Variants in HNRNPK observed in about 807,000 individuals in gnomAD.
HNRNPK encodes the protein dC-stretch binding protein.
HNRNPK carries 7 observed loss-of-function variants against 67.0 expected under a neutral mutation model. That is an observed-to-expected ratio of 0.10 (90% CI 0.06 to 0.20). HNRNPK has a LOEUF of 0.20. Among genes scored for constraint, HNRNPK ranks in the 10% least tolerant of loss-of-function variants. The pLI is 1.00. For synonymous variants in HNRNPK, 213 were observed against 193.7 expected, an observed-to-expected ratio of 1.10 and a Z score of -0.83; for missense variants, 264 against 606.5, an observed-to-expected ratio of 0.44 and a Z score of 5.93.
At chr9:83,971,198 T>TA (rs1220203708) in intron 13 of HNRNPK, 75 bp downstream of exon 13, 8 of 1,043,440 alleles carry the variant, frequency 7.7e-6, no homozygotes, top group South Asian at 2.5e-5. Context: ...CTCAGGGGAA[T>TA]AAAAAACTTA....
rs1415690992 is a variant in HNRNPK, at chr9:83,968,909, T to G, written c.*498A>C. ...TTAAAAAAAAAATGACCACCAAAAA[T>G]AGGTTCACTAAATTTATTTTAAAAA... On this transcript the variant is annotated 3_prime_UTR_variant, in exon 17 of 17. Coordinates refer to ENST00000376263, the MANE Select transcript of HNRNPK (RefSeq NM_031263.4). 6.4e-6 allele frequency: 1 copy of G among 155,112 alleles called. No individual in the cohort carries two copies. The highest frequency in any genetic ancestry group is 2.4e-5 in the African/African-American group (1 of 41,482). 9.6% of individuals were successfully genotyped at this position (155,112 alleles called of 1,614,324 possible). A position where few individuals can be genotyped will look rare whatever the true frequency, so the allele number is the denominator to read the frequency against.
chr9:83,972,282 G>A lies in HNRNPK; in HGVS notation c.646-93C>T, dbSNP rs577163115. 277 of 941,916 alleles carry A rather than the reference G, an allele frequency of 2.9e-4. 1 individual carries two copies. The Middle Eastern group carries it at 6.5e-3, about 22-fold the overall frequency. 58.3% of individuals were successfully genotyped at this position (941,916 alleles called of 1,614,324 possible). A position where few individuals can be genotyped will look rare whatever the true frequency, so the allele number is the denominator to read the frequency against. ...AACATCATCATCAAACAAAATGTAA[G>A]TCATTCCCCCATCAGGAGGTACTAG... On this transcript the variant is annotated intron_variant, in intron 10 of 16. Coordinates refer to ENST00000376263, the MANE Select transcript of HNRNPK (RefSeq NM_031263.4).
intron 12 of HNRNPK, 129 bp from the exon 13 acceptor site, chr9:83,971,485 G>C (rs937115547): frequency 3.7e-6 from 3 of 804,992 alleles, no homozygotes; most frequent in Non-Finnish European, 2.1e-6. Context: ...TTTTGTAATC[G>C]AGGGGAACAA....
At chr9:83,974,085 T>C in intron 7 of HNRNPK, 112 bp from the exon 8 acceptor site, 1 of 640,448 alleles carries the variant, frequency 1.6e-6, no homozygotes, top group Non-Finnish European at 2.7e-6. Context: ...TATTAAATAA[T>C]GAGAAACTGC....
At chr9:83,969,692 A>G (rs776078318) in intron 16 of HNRNPK, 1 of 610,572 alleles carries the variant, frequency 1.6e-6, no homozygotes, top group African/African-American at 1.8e-5. Flanking sequence ...GGTAGAAAAG[A>G]CAAAGAATGC....
In HNRNPK at chr9:83,978,236, G is replaced by C; in HGVS notation, c.17C>G (p.Pro6Arg). The C allele has an allele frequency of 1.2e-6, 2 of 1,612,116 alleles. No individual in the cohort carries two copies. Among genetic ancestry groups the C allele is most frequent in the Non-Finnish European group, 8.5e-7 (1 of 1,178,970 alleles). Residue 6 changes from proline to arginine, a missense_variant, in exon 3 of 17, where the codon CCA becomes CGA. Coordinates refer to ENST00000376263, the MANE Select transcript of HNRNPK (RefSeq NM_031263.4). ...TTCAGTGTTAGGGAAGGTTTCTTCT[G>C]GCTGTTCAGTTTCCATATTCTTTTA... METEQ[P>R]EETFPNTETN...
Position 83,970,150 on chromosome 9 carries a change from A to G in HNRNPK, c.1361+12T>C, listed in dbSNP as rs1197179920. On this transcript the variant is annotated intron_variant, in intron 16 of 16. Transcript: ENST00000376263. ...TATGTATAAGCTAACACAAAGCTAAACTTAAACTGACCTGTTCTGCAGCAA... is the reference window on the plus strand; with the variant it reads ...TATGTATAAGCTAACACAAAGCTAAGCTTAAACTGACCTGTTCTGCAGCAA... The G allele has an allele frequency of 6.2e-7, 1 of 1,603,024 alleles. No individual in the cohort carries two copies. The highest frequency in any genetic ancestry group is 8.5e-7 in the Non-Finnish European group (1 of 1,174,076).
chr9:83,970,704 TA>T (rs1956791311), intron 15 of HNRNPK, 32 bp downstream of exon 15: 1 of 1,247,476 alleles, frequency 8.0e-7, no homozygotes. Context: ...ATAAAAGTGA[TA>T]AAATGTTCCT....
At position 83,968,839 on chromosome 9, in the gene HNRNPK, T is replaced by TG. The variant is rs1465566286; in HGVS notation, c.*567dup. ...TGAAAATTAAACTTAGTGTTTAGTT[T>TG]GGGGGTGGGTTGGGAAATTCAGCCA... is the stretch of plus-strand genomic sequence containing the variant. On this transcript the variant is annotated 3_prime_UTR_variant, in exon 17 of 17. Coordinates refer to ENST00000376263, the MANE Select transcript of HNRNPK (RefSeq NM_031263.4). The TG allele has an allele frequency of 3.3e-5, 5 of 153,228 alleles. No homozygotes were observed. Among genetic ancestry groups the TG allele is most frequent in the Admixed American group, 3.3e-4 (5 of 15,336 alleles). 9.5% of individuals were successfully genotyped at this position (153,228 alleles called of 1,614,324 possible).
chr9:83,970,844 T>C, intron 14 of HNRNPK, 25 bp from the exon 15 acceptor site: 1 of 1,604,554 alleles, frequency 6.2e-7, no homozygotes, highest in Non-Finnish European at 8.5e-7. Flanking sequence ...GAGCAGTAAG[T>C]TCATTTAAAA....
At position 83,980,204 on chromosome 9, in the gene HNRNPK, T is replaced by A. The variant is rs1957326497; in HGVS notation, c.-159A>T. ...CCGCGCCGCCTCAGCCGGTCGGAGC[T>A]AGACAGAAAACGAGCGCAGGCTCCC... On this transcript the variant is annotated 5_prime_UTR_variant, in exon 1 of 17. Coordinates refer to ENST00000376263, the MANE Select transcript of HNRNPK (RefSeq NM_031263.4). The A allele has an allele frequency of 6.6e-6, 1 of 152,372 alleles. No homozygotes were observed. The highest frequency in any genetic ancestry group is 2.4e-5 in the African/African-American group (1 of 41,438). The allele number at this position is 152,372 out of a possible 1,614,324, so 9.4% of individuals were successfully genotyped here.
At position 83,971,865 on chromosome 9, in the gene HNRNPK, CAAAA is replaced by C; in HGVS notation, c.953+13_953+16del. Reference sequence around the variant, plus strand: ...ATGGGGGAAGAAAAAACAACAACAACAAAAAAAACAACTTACCCCCCTCTAGGTG... The same window carrying C: ...ATGGGGGAAGAAAAAACAACAACAACAAAACAACTTACCCCCCTCTAGGTG... On this transcript the variant is annotated intron_variant, in intron 11 of 16. Transcript: ENST00000376263. 1.3e-6 allele frequency: 2 copies of C among 1,550,282 alleles called. No homozygotes were observed. The highest frequency in any genetic ancestry group is 2.5e-5 in the South Asian group (2 of 81,434).
intron 12 of HNRNPK, 96 bp from the exon 13 acceptor site, chr9:83,971,452 G>C: frequency 1.1e-6 from 1 of 925,002 alleles, no homozygotes; most frequent in Non-Finnish European, 1.8e-6. Context: ...TAAAACAAAA[G>C]AGGGTACATA....
intron 5 of HNRNPK, 21 bp from the exon 6 acceptor site, chr9:83,975,526 C>T (rs1304450301): frequency 1.9e-6 from 3 of 1,603,300 alleles, no homozygotes; most frequent in East Asian, 2.2e-5. Flanking sequence ...CATTGGCGTT[C>T]GTGGATGTTG....
intron 15 of HNRNPK, 153 bp from the exon 16 acceptor site, chr9:83,970,484 G>A (rs939873508): frequency 1.6e-5 from 11 of 679,818 alleles, no homozygotes; most frequent in South Asian, 4.0e-5. Context: ...GAGTTATAAT[G>A]TATTTATGTC....
At position 83,972,451 on chromosome 9, in the gene HNRNPK, G is replaced by T. The variant is rs910767337; in HGVS notation, c.646-262C>A. 1.6e-4 allele frequency among the ~76,000 whole-genome samples: 24 copies of T among 152,178 alleles called. 1 individual carries two copies. Among genetic ancestry groups the T allele is most frequent in the African/African-American group, 4.8e-4 (20 of 41,434 alleles). On this transcript the variant is annotated intron_variant, in intron 10 of 16. Coordinates refer to ENST00000376263, the MANE Select transcript of HNRNPK (RefSeq NM_031263.4). ...AATAGCTTGCTCTTACACTTAGATC[G>T]TAAGAAACCACAAAGCCCTCCCATT...
chr9:83,980,351 ACAACCCCGCCTC>A (rs1957335395), upstream of HNRNPK: 1 of 152,264 alleles, frequency 6.6e-6, no homozygotes, highest in South Asian at 2.1e-4. Flanking sequence ...GGAGGAGGCG[ACAACCCCGCCTC>A]CCGCCAGCGC....
intron 3 of HNRNPK, 26 bp downstream of exon 3, chr9:83,978,169 C>T (rs1361054059): frequency 1.4e-6 from 2 of 1,445,106 alleles, no homozygotes; most frequent in Non-Finnish European, 1.9e-6. Context: ...TAAAAAAATA[C>T]TGTTAAAACT....
intron 16 of HNRNPK, 67 bp downstream of exon 16, chr9:83,970,095 T>C (rs1177649800): frequency 9.0e-6 from 12 of 1,333,100 alleles, no homozygotes; most frequent in South Asian, 1.3e-5. Context: ...AAAAAATCAA[T>C]TGAGAAGAAA....
Sources: gnomAD v4.1 joint callset for allele counts (sites outside exome capture counted in the v4.1 genomes callset) on GRCh38, gnomAD v4.1.1 for gene constraint, MANE v1.5 for transcripts, NCBI Gene and HGNC (gene_info 2026-07-23, HGNC 2026-07-21) for gene names.